Variants in IGSF3 observed in about 807,000 individuals in gnomAD.
The protein encoded by IGSF3 is immunoglobulin superfamily member 3.
In IGSF3, 23 loss-of-function variants were observed where a neutral mutation model predicts 114.4. The ratio of observed to expected loss-of-function variants is 0.20; its 90% CI spans 0.14 to 0.28. The LOEUF (loss-of-function observed/expected upper bound fraction) is 0.28, where lower values mean the gene tolerates loss of function less well. IGSF3 is among the 10% of genes least tolerant of loss of function. The pLI is 1.00. For missense variants in IGSF3, 1,172 were observed against 1,591.5 expected (o/e 0.74, Z 4.48); for synonymous variants, 571 against 645.2 (o/e 0.88, Z 1.74).
At chr1:116,645,927 C>T (rs1325108772) in intron 2 of IGSF3, among the ~76,000 whole-genome samples, 2 of 152,306 alleles carry the variant, frequency 1.3e-5, no homozygotes, top group Admixed American at 6.5e-5. Context: ...AAGCCATGGA[C>T]GCGACTGCGC....
At chr1:116,667,080 C>T in intron 1 of IGSF3, 124 bp from the exon 2 acceptor site, 2 of 377,490 alleles carry the variant, frequency 5.3e-6, no homozygotes, top group Non-Finnish European at 9.3e-6. Context: ...CCTCTGCATT[C>T]TGACCTTGGG....
intron 9 of IGSF3, among the ~76,000 whole-genome samples, chr1:116,580,350 G>A (rs1659549099): frequency 6.6e-6 from 1 of 152,216 alleles, no homozygotes; most frequent in Non-Finnish European, 1.5e-5. Context: ...TGCTGGATTG[G>A]GGTGGGCCCT....
chr1:116,599,788 C>T (rs78034939), intron 7 of IGSF3, among the ~76,000 whole-genome samples, 153 bp downstream of exon 7: 16 of 152,192 alleles, frequency 1.1e-4, no homozygotes, highest in African/African-American at 1.2e-4. Context: ...GTCCACTGCA[C>T]GATTCTTAAA....
In IGSF3 at chr1:116,616,059, G is replaced by A. The variant is rs573844777; in HGVS notation, c.421+21C>T. The A allele has an allele frequency of 1.7e-5, 27 of 1,578,718 alleles. No homozygotes were observed. In the East Asian group the frequency reaches 2.7e-4, roughly 16 times the overall value. On this transcript the variant is annotated intron_variant, in intron 3 of 10. Transcript: ENST00000369486. The surrounding 1 kb of genome is among the most constrained non-coding windows in gnomAD (Gnocchi z 6.6). ...CTGAGTCAGGCCAGACGCTGGCAACGTGAAGACAGCTTCTCCTTACCCACT... is the reference window on the plus strand; with the variant it reads ...CTGAGTCAGGCCAGACGCTGGCAACATGAAGACAGCTTCTCCTTACCCACT...
rs1335636125 is a variant in IGSF3, at chr1:116,642,661, C to T, written c.43+23623G>A. On this transcript the variant is annotated intron_variant, in intron 2 of 10. Transcript: ENST00000369486. This position sits in a 1 kb window ranked among gnomAD's most constrained non-coding sequence, Gnocchi z 5.4. ...TAAAATTGATGGTTGGAACTGGGCGCTCCGAGGCTGTGGGCCGGTGTCCTG... is the reference window on the plus strand; with the variant it reads ...TAAAATTGATGGTTGGAACTGGGCGTTCCGAGGCTGTGGGCCGGTGTCCTG... 6.6e-6 allele frequency among the ~76,000 whole-genome samples: 1 copy of T among 152,246 alleles called. No individual in the cohort carries two copies. The highest frequency in any genetic ancestry group is 1.9e-4 in the East Asian group (1 of 5,198).
chr1:116,613,624 C>T (rs1282541645), intron 4 of IGSF3, 141 bp downstream of exon 4: 1 of 795,402 alleles, frequency 1.3e-6, no homozygotes, highest in African/African-American at 1.7e-5. Context: ...CCTCCAGCCG[C>T]ACACAAGACC....
intron 5 of IGSF3, among the ~76,000 whole-genome samples, chr1:116,604,845 A>G (rs533307688): frequency 1.3e-5 from 2 of 152,248 alleles, no homozygotes; most frequent in East Asian, 3.9e-4. Flanking sequence ...AATTATTTAA[A>G]CTCGACATGC....
In IGSF3 at chr1:116,598,343, G is replaced by A. The variant is rs1660425349; in HGVS notation, c.2029+1598C>T. Among the ~76,000 whole-genome samples the A allele has an allele frequency of 6.6e-6, 1 of 152,054 alleles. No individual in the cohort carries two copies. Among genetic ancestry groups the A allele is most frequent in the Non-Finnish European group, 1.5e-5 (1 of 68,012 alleles). ...GTACCTCGACATTTTCCACAACAAG[G>A]GTTCACATAAAATGGGGTCTCTGCT... On this transcript the variant is annotated intron_variant, in intron 7 of 10. Coordinates refer to ENST00000369486, the MANE Select transcript of IGSF3 (RefSeq NM_001007237.3). This position sits in a 1 kb window ranked among gnomAD's most constrained non-coding sequence, Gnocchi z 4.3.
chr1:116,598,632 C>T lies in IGSF3; in HGVS notation c.2029+1309G>A, dbSNP rs1660440414. Among the ~76,000 whole-genome samples the T allele has an allele frequency of 6.6e-6, 1 of 152,232 alleles. No homozygotes were observed. The highest frequency in any genetic ancestry group is 1.5e-5 in the Non-Finnish European group (1 of 68,036). On this transcript the variant is annotated intron_variant, in intron 7 of 10. Coordinates refer to ENST00000369486, the MANE Select transcript of IGSF3 (RefSeq NM_001007237.3). This position sits in a 1 kb window ranked among gnomAD's most constrained non-coding sequence, Gnocchi z 4.3. ...AAGCAGTCAGGCAGACTAGGTCAGG[C>T]ACTAACCATGGCTGTTAGTGGGCAG...
chr1:116,649,174 G>A lies in IGSF3; in HGVS notation c.43+17110C>T, dbSNP rs1197399242. 4.6e-5 allele frequency among the ~76,000 whole-genome samples: 7 copies of A among 152,326 alleles called. No individual in the cohort carries two copies. The highest frequency in any genetic ancestry group is 1.3e-4 in the Admixed American group (2 of 15,310). On this transcript the variant is annotated intron_variant, in intron 2 of 10. Coordinates refer to ENST00000369486, the MANE Select transcript of IGSF3 (RefSeq NM_001007237.3). This position sits in a 1 kb window ranked among gnomAD's most constrained non-coding sequence, Gnocchi z 4.5. ...TGGTCCTGGAAGGACAGCCCTCCCC[G>A]TCTTGGCAGCCACACTTTCTGGCCC... is the stretch of plus-strand genomic sequence containing the variant.
At position 116,647,997 on chromosome 1, in the gene IGSF3, G is replaced by A. The variant is rs542020593; in HGVS notation, c.43+18287C>T. Among the ~76,000 whole-genome samples, 40 of 152,076 alleles carry A rather than the reference G, an allele frequency of 2.6e-4. No homozygotes were observed. The highest frequency in any genetic ancestry group is 4.3e-4 in the Non-Finnish European group (29 of 67,992). On this transcript the variant is annotated intron_variant, in intron 2 of 10. Transcript: ENST00000369486. The surrounding 1 kb of genome is among the most constrained non-coding windows in gnomAD (Gnocchi z 4.6). The stretch of plus-strand genomic sequence containing the variant: ...CACACGCCTGTAATCCTAGTTACTC[G>A]GGAGGCTGAGGCAGGAGAATCGCTT...
In IGSF3 at chr1:116,615,442, T is replaced by C. The variant is rs1305849244; in HGVS notation, c.421+638A>G. On this transcript the variant is annotated intron_variant, in intron 3 of 10. Transcript: ENST00000369486. This position sits in a 1 kb window ranked among gnomAD's most constrained non-coding sequence, Gnocchi z 4.3. ...TGATAATAAAAACTGGACATTAAGA[T>C]AGGCAGAAAAACAGAACAGCCTTGA... is the stretch of plus-strand genomic sequence containing the variant. 6.6e-6 allele frequency among the ~76,000 whole-genome samples: 1 copy of C among 152,228 alleles called. No homozygotes were observed. Among genetic ancestry groups the C allele is most frequent in the African/African-American group, 2.4e-5 (1 of 41,464 alleles).
At chr1:116,609,238 T>A (rs1006993802) in intron 4 of IGSF3, among the ~76,000 whole-genome samples, 10 of 152,032 alleles carry the variant, frequency 6.6e-5, no homozygotes, top group East Asian at 1.9e-4. Flanking sequence ...GGTGTTTTTT[T>A]AATTTTTATT....
intron 2 of IGSF3, among the ~76,000 whole-genome samples, chr1:116,640,585 G>T (rs1171940650): frequency 3.9e-5 from 6 of 152,098 alleles, no homozygotes; most frequent in Non-Finnish European, 7.4e-5. Context: ...AAACATTTTT[G>T]AGGGTAATCC....
chr1:116,607,856 C>T lies in IGSF3; in HGVS notation c.1222+86G>A. ...CGAGGGTTCCATCTGCCTCCCCTCA[C>T]CTTCACCACGCTATTCTCTCTCCCC... is the stretch of plus-strand genomic sequence containing the variant. On this transcript the variant is annotated intron_variant, in intron 5 of 10. Transcript: ENST00000369486. The surrounding 1 kb of genome is among the most constrained non-coding windows in gnomAD (Gnocchi z 6.1). 1 of 1,368,840 alleles carries T rather than the reference C, an allele frequency of 7.3e-7. No individual in the cohort carries two copies. 84.8% of individuals were successfully genotyped at this position (1,368,840 alleles called of 1,614,324 possible).
intron 2 of IGSF3, among the ~76,000 whole-genome samples, chr1:116,659,950 A>T (rs530342599): frequency 1.3e-5 from 2 of 151,050 alleles, no homozygotes; most frequent in East Asian, 3.9e-4. Flanking sequence ...AAGGAGTCAT[A>T]ACTAAGGATG....
In IGSF3 at chr1:116,600,353, G is replaced by A. The variant is rs767144140; in HGVS notation, c.1625-8C>T. 1.2e-6 allele frequency: 2 copies of A among 1,602,146 alleles called. No homozygotes were observed. Among genetic ancestry groups the A allele is most frequent in the South Asian group, 2.2e-5 (2 of 90,174 alleles). On this transcript the variant is annotated splice_polypyrimidine_tract_variant and splice_region_variant and intron_variant, in intron 6 of 10. Coordinates refer to ENST00000369486, the MANE Select transcript of IGSF3 (RefSeq NM_001007237.3). The surrounding 1 kb of genome is among the most constrained non-coding windows in gnomAD (Gnocchi z 5.5). ...TGACTGCGAAGCCCATTTCTGGAGA[G>A]AAAGCAGAGAGATTCAACCAGAGGA...
intron 2 of IGSF3, among the ~76,000 whole-genome samples, chr1:116,656,042 T>C (rs1464650955): frequency 6.6e-6 from 1 of 152,034 alleles, no homozygotes; most frequent in Non-Finnish European, 1.5e-5. Flanking sequence ...AGCTATAAAA[T>C]AACCAAATCA....
rs202135755 is a variant in IGSF3 at position 116,659,540 on chromosome 1, GT to G, written c.43+6743del. Among the ~76,000 whole-genome samples, 1,153 of 152,262 alleles carry G rather than the reference GT, an allele frequency of 7.6e-3. 43 individuals carry two copies. In the East Asian group the frequency reaches 0.098, roughly 13 times the overall value. On this transcript the variant is annotated intron_variant, in intron 2 of 10. Coordinates refer to ENST00000369486, the MANE Select transcript of IGSF3 (RefSeq NM_001007237.3). ...AACCAACCCTTTACAAGGAATAGCTGTGTTCACTTTGAAGCAGTAAAGAAGC... is the reference window on the plus strand; with the variant it reads ...AACCAACCCTTTACAAGGAATAGCTGGTTCACTTTGAAGCAGTAAAGAAGC...
Sources: gnomAD v4.1 joint callset for allele counts (sites outside exome capture counted in the v4.1 genomes callset) on GRCh38, gnomAD v4.1.1 for gene constraint, Gnocchi (gnomAD v3.1) non-coding constraint, MANE v1.5 for transcripts, NCBI Gene and HGNC (gene_info 2026-07-23, HGNC 2026-07-21) for gene names.